Variants in EPHA5 observed in about 807,000 individuals in gnomAD.
The protein encoded by EPHA5 is ephrin type-A receptor 5.
In EPHA5, 60 loss-of-function variants were observed where a neutral mutation model predicts 105.0. The observed-to-expected ratio is 0.57, with a 90% confidence interval of 0.46 to 0.71. The LOEUF is 0.71. Among genes scored for constraint, EPHA5 ranks in the 30% least tolerant of loss-of-function variants. The pLI, the probability that EPHA5 is intolerant of heterozygous loss-of-function variation, is 0.00. For synonymous variants in EPHA5, 513 were observed against 449.1 expected (o/e 1.14, Z -1.80); for missense variants, 1,218 against 1,274.7 (o/e 0.96, Z 0.68).
intron 7 of EPHA5, among the ~76,000 whole-genome samples, chr4:65,413,462 C>T (rs1232874758): frequency 6.6e-6 from 1 of 151,910 alleles, no homozygotes; most frequent in Non-Finnish European, 1.5e-5. Flanking sequence ...CTGATTCTTA[C>T]CAAGTAAATT....
chr4:65,550,423 C>T (rs1737785625), intron 3 of EPHA5, among the ~76,000 whole-genome samples: 1 of 152,058 alleles, frequency 6.6e-6, no homozygotes, highest in Admixed American at 6.6e-5. Context: ...AAAGTTTGGA[C>T]GCCCTTAATA....
chr4:65,353,177 A>T (rs1238908077), intron 11 of EPHA5, 74 bp from the exon 12 acceptor site: 5 of 556,618 alleles, frequency 9.0e-6, no homozygotes, highest in Non-Finnish European at 2.9e-6. Context: ...CTTACCCAGA[A>T]GTTTTTATTA....
intron 8 of EPHA5, among the ~76,000 whole-genome samples, chr4:65,390,989 T>A (rs1720662592): frequency 6.6e-6 from 1 of 152,020 alleles, no homozygotes. Flanking sequence ...CTCAGGAAAC[T>A]TACAATCCTG....
intron 8 of EPHA5, among the ~76,000 whole-genome samples, chr4:65,371,539 T>C (rs982767050): frequency 5.9e-5 from 9 of 152,036 alleles, no homozygotes; most frequent in African/African-American, 1.7e-4. Context: ...TAAAAAATAT[T>C]TATGTAGAGA....
intron 3 of EPHA5, among the ~76,000 whole-genome samples, chr4:65,582,667 A>C (rs932057590): frequency 4.6e-5 from 7 of 151,678 alleles, no homozygotes; most frequent in African/African-American, 1.7e-4. Context: ...AAGAGGAAAA[A>C]AATGAATTCC....
intron 3 of EPHA5, among the ~76,000 whole-genome samples, chr4:65,561,787 T>C (rs1391839282): frequency 6.6e-6 from 1 of 152,072 alleles, no homozygotes; most frequent in African/African-American, 2.4e-5. Flanking sequence ...CCACAAGAGG[T>C]TGCAGAAGGG....
At chr4:65,632,553 A>C (rs1262035910) in intron 2 of EPHA5, among the ~76,000 whole-genome samples, 1 of 151,114 alleles carries the variant, frequency 6.6e-6, no homozygotes, top group Non-Finnish European at 1.5e-5. Flanking sequence ...AAAAAAAAAA[A>C]TCTGCAGCCT....
At chr4:65,380,742 A>T (rs1719478507) in intron 8 of EPHA5, among the ~76,000 whole-genome samples, 1 of 151,848 alleles carries the variant, frequency 6.6e-6, no homozygotes, top group African/African-American at 2.4e-5. Flanking sequence ...ACAACAAACG[A>T]TGATATTCAG....
intron 3 of EPHA5, among the ~76,000 whole-genome samples, chr4:65,567,928 AT>A (rs971338029): frequency 2.0e-5 from 3 of 150,704 alleles, no homozygotes; most frequent in Non-Finnish European, 3.0e-5. Context: ...TATTCTTTGA[AT>A]TTTTTTTTCT....
rs970667731 is a variant in EPHA5 at position 65,635,599 on chromosome 4, G to GA, written c.246+7763dup. 5.6e-4 allele frequency among the ~76,000 whole-genome samples: 84 copies of GA among 149,830 alleles called. No individual in the cohort carries two copies. In the South Asian group the frequency reaches 7.6e-3, roughly 13 times the overall value. ...TGATCTTACATAACAACAGCTTACA[G>GA]AAAAAAAAAGAGCAATAGTGGAATT... On this transcript the variant is annotated intron_variant, in intron 2 of 16. Coordinates refer to ENST00000613740, the MANE Select transcript of EPHA5 (RefSeq NM_001281766.3).
chr4:65,619,238 A>G (rs1434940763), intron 2 of EPHA5, among the ~76,000 whole-genome samples: 2 of 152,204 alleles, frequency 1.3e-5, no homozygotes, highest in Non-Finnish European at 2.9e-5. Context: ...AGACATTTGC[A>G]CTAATCTATA....
At chr4:65,428,392 G>A (rs1724654698) in intron 5 of EPHA5, among the ~76,000 whole-genome samples, 1 of 151,994 alleles carries the variant, frequency 6.6e-6, no homozygotes, top group African/African-American at 2.4e-5. Context: ...GTAACTAACA[G>A]TGCATTCTCA....
chr4:65,348,108 C>T lies in EPHA5; in HGVS notation c.2541G>A (p.Met847Ile), dbSNP rs568892090. 1.2e-6 allele frequency: 2 copies of T among 1,613,156 alleles called. No homozygotes were observed. Among genetic ancestry groups the T allele is most frequent in the Non-Finnish European group, 8.5e-7 (1 of 1,179,604 alleles). ...ASDVWSYGIV[M>I]WEVVSYGERP... ...TCTCTCCATAAGACACAACTTCCCA[C>T]ATTACTATTCCATAACTCCAGACAT... Residue 847 changes from methionine (M) to isoleucine (I), a missense_variant, in exon 14 of 17, where the codon ATG becomes ATA. By Grantham distance (10) the Met-to-Ile change is conservative. Transcript: ENST00000613740.
intron 3 of EPHA5, among the ~76,000 whole-genome samples, chr4:65,510,031 CTTTTT>C (rs11300558): frequency 2.5e-5 from 3 of 119,450 alleles, no homozygotes; most frequent in Non-Finnish European, 3.4e-5. Flanking sequence ...ATACATACTT[CTTTTT>C]TTTTTTTTTT....
intron 8 of EPHA5, among the ~76,000 whole-genome samples, chr4:65,381,319 CG>C (rs1719539472): frequency 6.6e-6 from 1 of 151,358 alleles, no homozygotes. Context: ...AGGTAAAAAT[CG>C]GTGTGAAGAA....
At chr4:65,439,177 A>C (rs1476651097) in intron 5 of EPHA5, among the ~76,000 whole-genome samples, 1 of 152,142 alleles carries the variant, frequency 6.6e-6, no homozygotes, top group African/African-American at 2.4e-5. Context: ...CATTGGTACC[A>C]CCATACTATA....
At chr4:65,326,886 C>G (rs74395343) in intron 16 of EPHA5, among the ~76,000 whole-genome samples, 2 of 150,816 alleles carry the variant, frequency 1.3e-5, no homozygotes, top group Admixed American at 1.3e-4. Flanking sequence ...TTTTGAATGA[C>G]CTGAAAGAAT....
rs1039711920 is a variant in EPHA5 at position 65,503,603 on chromosome 4, A to C, written c.911-8060T>G. Among the ~76,000 whole-genome samples, 4 of 151,824 alleles carry C rather than the reference A, an allele frequency of 2.6e-5. No homozygotes were observed. In the East Asian group the frequency reaches 7.7e-4, roughly 29 times the overall value. ...TTTATGCTCACCAAATATTGGCAGA[A>C]ATTCAAAGATAATATAATATTTATA... On this transcript the variant is annotated intron_variant, in intron 3 of 16. Coordinates refer to ENST00000613740, the MANE Select transcript of EPHA5 (RefSeq NM_001281766.3).
At chr4:65,486,541 A>T (rs1372276790) in intron 5 of EPHA5, among the ~76,000 whole-genome samples, 1 of 152,222 alleles carries the variant, frequency 6.6e-6, no homozygotes, top group Non-Finnish European at 1.5e-5. Flanking sequence ...TCAATTATTT[A>T]AAAAAGAAAC....
Sources: allele counts gnomAD v4.1 joint callset (sites outside exome capture counted in the v4.1 genomes callset), GRCh38; gene constraint gnomAD v4.1.1; transcripts MANE v1.5; gene names NCBI Gene and HGNC (gene_info 2026-07-23, HGNC 2026-07-21).